The following IL1RAPL2 variants were observed in gnomAD, a reference collection of about 807,000 sequenced individuals.
The protein encoded by IL1RAPL2 is interleukin 1 receptor accessory protein like 2, also known as X-linked interleukin-1 receptor accessory protein-like 2.
In IL1RAPL2, 3 loss-of-function variants were observed where a neutral mutation model predicts 44.1. The ratio of observed to expected loss-of-function variants is 0.07; its 90% CI spans 0.03 to 0.18. IL1RAPL2 has a LOEUF of 0.18. IL1RAPL2 is among the 10% of genes least tolerant of loss of function. The probability of loss-of-function intolerance (pLI) is 1.00; values close to 1 mark genes in which losing one functional copy is unlikely to be tolerated. For missense variants in IL1RAPL2, 391 were observed against 496.4 expected, an observed-to-expected ratio of 0.79 and a Z score of 2.02; for synonymous variants, 181 against 178.8, an observed-to-expected ratio of 1.01 and a Z score of -0.10.
intron 6 of IL1RAPL2, among the ~76,000 whole-genome samples, chrX:105,567,544 GA>G (rs1485660099): frequency 8.9e-6 from 1 of 111,822 alleles, no homozygotes; most frequent in African/African-American, 3.2e-5. Flanking sequence ...CCAGCTACAT[GA>G]AATAGCATTT....
At chrX:104,647,066 C>G (rs1298529412) in intron 1 of IL1RAPL2, 1 of 190,835 alleles carries the variant, frequency 5.2e-6, no homozygotes, top group African/African-American at 3.0e-5. Flanking sequence ...GTGATTTTAC[C>G]TTTATTTCCT....
At chrX:104,804,873 C>G (rs1932910612) in intron 2 of IL1RAPL2, among the ~76,000 whole-genome samples, 1 of 112,173 alleles carries the variant, frequency 8.9e-6, no homozygotes, top group Non-Finnish European at 1.9e-5. Context: ...GTGACAAGAT[C>G]TGAAAAATTA....
intron 2 of IL1RAPL2, among the ~76,000 whole-genome samples, chrX:105,115,745 G>C (rs138112678): frequency 2.7e-5 from 3 of 112,991 alleles, no homozygotes; most frequent in Non-Finnish European, 5.6e-5. Context: ...TGCGCCTTGC[G>C]CCTGCACTCC....
intron 6 of IL1RAPL2, among the ~76,000 whole-genome samples, chrX:105,647,394 A>G (rs2037614330): frequency 8.9e-6 from 1 of 111,967 alleles, no homozygotes; most frequent in Non-Finnish European, 1.9e-5. Flanking sequence ...CCGGCTCGAA[A>G]TGCCTGGGTT....
intron 2 of IL1RAPL2, among the ~76,000 whole-genome samples, chrX:105,017,293 A>C (rs186212142): frequency 9.0e-6 from 1 of 111,270 alleles, no homozygotes; most frequent in Non-Finnish European, 1.9e-5. Context: ...TTTTGTGTCT[A>C]TCTCCTTCAG....
Position 104,700,851 on chromosome X carries a change from C to T in IL1RAPL2, c.82+41856C>T, listed in dbSNP as rs1418711879. ...TTAAACACTTAATACTGCCCAGGGC[C>T]GTTATGTGTATCTTTTTATTTGTCA... On this transcript the variant is annotated intron_variant, in intron 2 of 10. Transcript: ENST00000372582. Among the ~76,000 whole-genome samples the T allele has an allele frequency of 1.1e-4, 12 of 111,696 alleles. No individual in the cohort carries two copies. The East Asian group carries it at 1.1e-3, about 11-fold the overall frequency.
intron 6 of IL1RAPL2, among the ~76,000 whole-genome samples, chrX:105,715,147 A>G (rs1387838834): frequency 8.9e-6 from 1 of 111,916 alleles, no homozygotes; most frequent in Non-Finnish European, 1.9e-5. Flanking sequence ...GGAAGAAATA[A>G]ACGTCTTGAA....
At chrX:105,045,409 G>A (rs746076993) in intron 2 of IL1RAPL2, among the ~76,000 whole-genome samples, 371 of 112,168 alleles carry the variant, frequency 3.3e-3, no homozygotes, top group Middle Eastern at 0.019. Context: ...AGATGTGTAT[G>A]TGGAGGCAAA....
chrX:105,685,291 G>C lies in IL1RAPL2; in HGVS notation c.773-32076G>C, dbSNP rs191799365. ...AGTAGGATGTTTGAACCCATTGTAA[G>C]GAAGCTAAAAACCTTGAAAAAAGAT... is the stretch of plus-strand genomic sequence containing the variant. On this transcript the variant is annotated intron_variant, in intron 6 of 10. Coordinates refer to ENST00000372582, the MANE Select transcript of IL1RAPL2 (RefSeq NM_017416.2). Among the ~76,000 whole-genome samples the C allele has an allele frequency of 8.4e-4, 93 of 111,327 alleles. No individual in the cohort carries two copies. In the East Asian group the frequency reaches 0.022, roughly 26 times the overall value.
chrX:104,916,228 A>G lies in IL1RAPL2; in HGVS notation c.82+257233A>G, dbSNP rs1278377813. On this transcript the variant is annotated intron_variant, in intron 2 of 10. Transcript: ENST00000372582. ...ATGGAATATTCTTCCATTTGTTTGT[A>G]TCCTCTTTTATTTCATTGAGCAGTG... 4.5e-5 allele frequency among the ~76,000 whole-genome samples: 5 copies of G among 111,333 alleles called. No individual in the cohort carries two copies. In the South Asian group the frequency reaches 1.5e-3, roughly 34 times the overall value.
chrX:104,623,059 A>T (rs758148308), intron 1 of IL1RAPL2, among the ~76,000 whole-genome samples: 80 of 110,289 alleles, frequency 7.3e-4, no homozygotes, highest in South Asian at 5.0e-3. Context: ...ATTTTTTTTT[A>T]AAAAAAGTTT....
chrX:104,883,887 G>A (rs1322993469), intron 2 of IL1RAPL2, among the ~76,000 whole-genome samples: 2 of 111,728 alleles, frequency 1.8e-5, no homozygotes, highest in Non-Finnish European at 3.8e-5. Flanking sequence ...ATTCATATAA[G>A]TGAGGACAAA....
At chrX:105,458,745 C>T (rs2036073612) in intron 5 of IL1RAPL2, among the ~76,000 whole-genome samples, 1 of 111,920 alleles carries the variant, frequency 8.9e-6, no homozygotes, top group Non-Finnish European at 1.9e-5. Flanking sequence ...ACAATTGACA[C>T]TGATCGTTTT....
rs1176262425 is a variant in IL1RAPL2 at position 105,455,459 on chromosome X, A to T, written c.698-28854A>T. ...CAGGGTTTTTATAGTTTTAGGTTTT[A>T]CATTTAAGTCTTCAATCCACCTTGT... is the stretch of plus-strand genomic sequence containing the variant. On this transcript the variant is annotated intron_variant, in intron 5 of 10. Transcript: ENST00000372582. Among the ~76,000 whole-genome samples, 3 of 112,098 alleles carry T rather than the reference A, an allele frequency of 2.7e-5. No homozygotes were observed. The East Asian group carries it at 8.4e-4, about 31-fold the overall frequency.
chrX:104,749,322 A>C (rs774824475), intron 2 of IL1RAPL2, among the ~76,000 whole-genome samples: 5 of 111,058 alleles, frequency 4.5e-5, no homozygotes, highest in Admixed American at 9.6e-5. Context: ...CTTGAAGTTT[A>C]GCCCCTGCAT....
At chrX:105,241,672 T>G (rs782655157) in intron 4 of IL1RAPL2, among the ~76,000 whole-genome samples, 1 of 112,066 alleles carries the variant, frequency 8.9e-6, no homozygotes, top group Non-Finnish European at 1.9e-5. Flanking sequence ...AACCCTTTTG[T>G]GCTTTTATTT....
rs761520413 is a variant in IL1RAPL2, at chrX:104,895,485, C to T, written c.82+236490C>T. Among the ~76,000 whole-genome samples the T allele has an allele frequency of 3.0e-3, 333 of 112,651 alleles. 2 individuals carry two copies. The highest frequency in any genetic ancestry group is 4.8e-3 in the Non-Finnish European group (253 of 53,235). ...TTACCTACTCAAGCCTCAGCAATGG[C>T]GGGCGCCACTCTCCCAGCCTCGCTG... On this transcript the variant is annotated intron_variant, in intron 2 of 10. Transcript: ENST00000372582.
At chrX:105,691,535 A>G (rs1162382474) in intron 6 of IL1RAPL2, among the ~76,000 whole-genome samples, 1 of 111,904 alleles carries the variant, frequency 8.9e-6, no homozygotes, top group African/African-American at 3.2e-5. Flanking sequence ...AAATTAGTAG[A>G]GTGCAAAATA....
chrX:104,912,354 C>T (rs1924269205), intron 2 of IL1RAPL2, among the ~76,000 whole-genome samples: 1 of 110,486 alleles, frequency 9.1e-6, no homozygotes, highest in East Asian at 2.8e-4. Flanking sequence ...AATCCTTTCT[C>T]CTGAGTTACA....
Sources: gnomAD v4.1 joint callset for allele counts (sites outside exome capture counted in the v4.1 genomes callset) on GRCh38, gnomAD v4.1.1 for gene constraint, MANE v1.5 for transcripts, NCBI Gene and HGNC (gene_info 2026-07-23, HGNC 2026-07-21) for gene names.